Variants in STARD9 observed in about 807,000 individuals in gnomAD.
The protein encoded by STARD9 is StAR related lipid transfer domain containing 9.
In STARD9, 346 loss-of-function variants were observed where a neutral mutation model predicts 399.8. The ratio of observed to expected loss-of-function variants is 0.87; its 90% CI spans 0.79 to 0.95. STARD9 has a LOEUF of 0.95. STARD9 is among the 40% of genes least tolerant of loss of function. The probability of loss-of-function intolerance (pLI) is 0.00; values close to 1 mark genes in which losing one functional copy is unlikely to be tolerated. For missense variants in STARD9, 5,832 were observed against 5,667.5 expected (o/e 1.03, Z -0.93); for synonymous variants, 2,203 against 2,143.5 (o/e 1.03, Z -0.77).
chr15:42,671,426 C>T (rs1180144648), intron 16 of STARD9: 4 of 152,144 alleles, frequency 2.6e-5, no homozygotes, highest in African/African-American at 9.7e-5. Flanking sequence ...GGCATGAGAG[C>T]CTTTATTTCT....
rs1358037141 is a variant in STARD9 at position 42,685,914 on chromosome 15, C to A, written c.4336C>A (p.Pro1446Thr). 6.5e-7 allele frequency: 1 copy of A among 1,537,130 alleles called. No homozygotes were observed. The highest frequency in any genetic ancestry group is 8.7e-7 in the Non-Finnish European group (1 of 1,146,930). ...TGGCACCTTTCAGGGCAGATGTATC[C>A]CTGACATGACCCAGCAGGGCAGCTC... ...ADGTFQGRCI[P>T]DMTQQGSSEA... The change falls in exon 23 of 33, where the codon CCT becomes ACT. Residue 1446 changes from proline (P) to threonine (T), a missense_variant. By Grantham distance (38) the Pro-to-Thr change is conservative. Around this residue, in one of 2 missense-constraint regions of STARD9, gnomAD observed 5,828 missense variants for 5,651.1 expected, o/e 1.03. Coordinates refer to ENST00000290607, the MANE Select transcript of STARD9 (RefSeq NM_020759.3).
At chr15:42,606,895 A>C (rs1483489487) in intron 3 of STARD9, among the ~76,000 whole-genome samples, 2 of 152,116 alleles carry the variant, frequency 1.3e-5, no homozygotes, top group Non-Finnish European at 2.9e-5. Context: ...CCATTATAGC[A>C]AATGGATGCT....
At chr15:42,634,665 T>C (rs1340839522) in intron 3 of STARD9, among the ~76,000 whole-genome samples, 191 bp from the exon 4 acceptor site, 1 of 152,238 alleles carries the variant, frequency 6.6e-6, no homozygotes, top group Non-Finnish European at 1.5e-5. Flanking sequence ...CTTAAAAAAT[T>C]TGACCGGCTG....
rs151101516 is a variant in STARD9 at position 42,621,271 on chromosome 15, C to T, written c.235-13585C>T. On this transcript the variant is annotated intron_variant, in intron 3 of 32. Transcript: ENST00000290607. ...GGAAGTACTTTGAAACTATGTATTC[C>T]GGCCCTCATCAGACTTTCAAATTAT... 1.6e-3 allele frequency among the ~76,000 whole-genome samples: 242 copies of T among 151,962 alleles called. 5 individuals are homozygous for T. The East Asian group carries it at 0.029, about 18-fold the overall frequency.
chr15:42,657,531 C>T (rs2142013437), intron 9 of STARD9, among the ~76,000 whole-genome samples: 2 of 152,216 alleles, frequency 1.3e-5, no homozygotes, highest in South Asian at 4.1e-4. Flanking sequence ...TTAAAATAGA[C>T]AGTTCAACAA....
intron 16 of STARD9, chr15:42,670,785 G>A (rs1362959727): frequency 6.6e-6 from 1 of 152,174 alleles, no homozygotes; most frequent in African/African-American, 2.4e-5. Flanking sequence ...TTATTTTCTG[G>A]TATACAGGGT....
intron 1 of STARD9, among the ~76,000 whole-genome samples, chr15:42,579,468 G>A (rs1459021188): frequency 6.6e-6 from 1 of 152,044 alleles, no homozygotes; most frequent in Non-Finnish European, 1.5e-5. Flanking sequence ...AAAATAAAAG[G>A]TCACTTCTCA....
rs759984016 is a variant in STARD9, at chr15:42,687,722, T to C, written c.6144T>C (p.Ala2048=). The C allele has an allele frequency of 5.8e-5, 89 of 1,537,382 alleles. No homozygotes were observed. Among genetic ancestry groups the C allele is most frequent in the Non-Finnish European group, 1.4e-5 (16 of 1,146,984 alleles). Residue 2048 remains alanine (A), a synonymous_variant, in exon 23 of 33, where the codon GCT becomes GCC. Transcript: ENST00000290607. ...NKRVNNTDEM[A]RLIRSVMQLE... Reference sequence around the variant, plus strand: ...GAGTTAATAATACTGATGAAATGGCTAGGCTAATTAGGAGTGTAATGCAGC... The same window carrying C: ...GAGTTAATAATACTGATGAAATGGCCAGGCTAATTAGGAGTGTAATGCAGC...
intron 26 of STARD9, among the ~76,000 whole-genome samples, chr15:42,706,186 C>CA (rs899465087): frequency 6.6e-6 from 1 of 152,266 alleles, no homozygotes; most frequent in Admixed American, 6.5e-5. Flanking sequence ...ACTTTCTAAC[C>CA]AAAAATGTAC....
chr15:42,686,828 C>G lies in STARD9; in HGVS notation c.5250C>G (p.Thr1750=). ...CACTCTTGGAAACATTCTATGTGACCAAAAGCAGGGATGCCCTGACAGAAA... is the reference window on the plus strand; with the variant it reads ...CACTCTTGGAAACATTCTATGTGACGAAAAGCAGGGATGCCCTGACAGAAA... The part of the protein sequence containing the change: ...QPPLLETFYV[T]KSRDALTETA... Residue 1750 remains threonine, a synonymous_variant, in exon 23 of 33, where the codon ACC becomes ACG. Coordinates refer to ENST00000290607, the MANE Select transcript of STARD9 (RefSeq NM_020759.3). 6.5e-7 allele frequency: 1 copy of G among 1,537,080 alleles called. No individual in the cohort carries two copies. The highest frequency in any genetic ancestry group is 8.7e-7 in the Non-Finnish European group (1 of 1,146,902).
At chr15:42,582,834 G>A (rs937773118) in intron 1 of STARD9, among the ~76,000 whole-genome samples, 3 of 152,150 alleles carry the variant, frequency 2.0e-5, no homozygotes, top group African/African-American at 7.2e-5. Context: ...AGTTGGGATT[G>A]TATGTGTGAG....
In STARD9 at chr15:42,626,233, ATTC is replaced by A. The variant is rs750568752; in HGVS notation, c.235-8607_235-8605del. Among the ~76,000 whole-genome samples the A allele has an allele frequency of 2.6e-4, 39 of 150,610 alleles. 1 individual carries two copies. In the South Asian group the frequency reaches 4.2e-3, roughly 16 times the overall value. On this transcript the variant is annotated intron_variant, in intron 3 of 32. Transcript: ENST00000290607. ...GCCACCACACCTGGCAAGAGTTTTAATTCTTCTTCTTCTTCTTCCTCTTCCTCT... is the reference window on the plus strand; with the variant it reads ...GCCACCACACCTGGCAAGAGTTTTAATTCTTCTTCTTCTTCCTCTTCCTCT...
chr15:42,649,683 C>G (rs767904319), intron 7 of STARD9, among the ~76,000 whole-genome samples: 72 of 151,954 alleles, frequency 4.7e-4, no homozygotes, highest in Non-Finnish European at 6.3e-4. Context: ...CCCCAGCCTC[C>G]TGAGTAGCTT....
At chr15:42,717,111 G>A in intron 28 of STARD9, 63 bp downstream of exon 28, 1 of 1,518,360 alleles carries the variant, frequency 6.6e-7, no homozygotes, top group Non-Finnish European at 8.8e-7. Context: ...GGGTGTGCAG[G>A]AAGAGAAAGT....
At chr15:42,640,176 C>A (rs1046294986) in intron 7 of STARD9, among the ~76,000 whole-genome samples, 2 of 152,112 alleles carry the variant, frequency 1.3e-5, no homozygotes, top group Non-Finnish European at 2.9e-5. Context: ...CCTCAGCTTC[C>A]TAAAGTACTA....
chr15:42,674,873 T>G lies in STARD9; in HGVS notation c.1596T>G (p.Ser532Arg). 6.5e-7 allele frequency: 1 copy of G among 1,537,004 alleles called. No homozygotes were observed. Residue 532 changes from serine (S) to arginine (R), a missense_variant, in exon 18 of 33, where the codon AGT becomes AGG. Ser to Arg is a moderately radical substitution (Grantham distance 110, BLOSUM62 -1). Coordinates refer to ENST00000290607, the MANE Select transcript of STARD9 (RefSeq NM_020759.3). ...AGAGAGACCACTGCACTATCACCAG[T>G]GCCTGTGGTGTAGTTGTTCTACGAC... is the stretch of plus-strand genomic sequence containing the variant. ...WIERDHCTIT[S>R]ACGVVVLRPA...
chr15:42,639,364 G>C (rs1371934589), intron 7 of STARD9, among the ~76,000 whole-genome samples: 1 of 152,160 alleles, frequency 6.6e-6, no homozygotes, highest in Non-Finnish European at 1.5e-5. Flanking sequence ...TGGTTCCCTG[G>C]TAAACCAGTC....
At position 42,663,324 on chromosome 15, in the gene STARD9, C is replaced by T; in HGVS notation, c.912C>T (p.Ser304=). ...QVFSSCQSLN[S]SVSNGGDSGI... ...TCAGCAGCTGCCAGAGCCTCAACAG[C>T]TCAGTCAGCAATGGTGGTGACAGTG... is the stretch of plus-strand genomic sequence containing the variant. Residue 304 remains serine, a synonymous_variant, in exon 12 of 33, where the codon AGC becomes AGT. Transcript: ENST00000290607. 1 of 1,537,368 alleles carries T rather than the reference C, an allele frequency of 6.5e-7. No individual in the cohort carries two copies. Among genetic ancestry groups the T allele is most frequent in the South Asian group, 1.2e-5 (1 of 84,064 alleles).
At chr15:42,698,455 T>C (rs1320961237) in intron 26 of STARD9, among the ~76,000 whole-genome samples, 1 of 152,214 alleles carries the variant, frequency 6.6e-6, no homozygotes, top group Non-Finnish European at 1.5e-5. Context: ...CTTGAATATT[T>C]GTATTTTGTT....
Sources: gnomAD v4.1 joint callset for allele counts (sites outside exome capture counted in the v4.1 genomes callset) on GRCh38, gnomAD v4.1.1 for gene constraint, gnomAD v4.1.1 regional missense constraint, MANE v1.5 for transcripts, NCBI Gene and HGNC (gene_info 2026-07-23, HGNC 2026-07-21) for gene names.